The following PCDHGB2 variants were observed in gnomAD, a reference collection of about 807,000 sequenced individuals.
PCDHGB2 encodes the protein protocadherin gamma-B2.
PCDHGB2 carries 55 observed loss-of-function variants against 59.3 expected under a neutral mutation model. The ratio of observed to expected loss-of-function variants is 0.93; its 90% CI spans 0.75 to 1.16. The LOEUF is 1.16. Among genes scored for constraint, PCDHGB2 ranks in the 50% most tolerant of loss-of-function variants. PCDHGB2 has a pLI of 0.00. For missense variants in PCDHGB2, 1,228 were observed against 1,198.5 expected (o/e 1.02, Z -0.36); for synonymous variants, 516 against 512.0 (o/e 1.01, Z -0.11).
chr5:141,466,683 A>G (rs1347308492), intron 1 of PCDHGB2, among the ~76,000 whole-genome samples: 1 of 152,170 alleles, frequency 6.6e-6, no homozygotes, highest in African/African-American at 2.4e-5. Context: ...CTTCCACTCA[A>G]GCTTCATCAT....
At position 141,485,848 on chromosome 5, in the gene PCDHGB2, C is replaced by G. The variant is rs1416763615; in HGVS notation, c.2422-8959C>G. 1.9e-6 allele frequency: 3 copies of G among 1,614,076 alleles called. No individual in the cohort carries two copies. The highest frequency in any genetic ancestry group is 1.1e-5 in the South Asian group (1 of 91,084). On this transcript the variant is annotated intron_variant, in intron 1 of 3. Coordinates refer to ENST00000522605, the MANE Select transcript of PCDHGB2 (RefSeq NM_018923.3). This position sits in a 1 kb window ranked among gnomAD's most constrained non-coding sequence, Gnocchi z 5.7. The stretch of plus-strand genomic sequence containing the variant: ...GAGGGAACCCGCCGAGATCTGGCAC[C>G]GCAGAGCTCCGGGTATCCGTGCTGG...
intron 1 of PCDHGB2, among the ~76,000 whole-genome samples, chr5:141,368,453 G>A (rs775342461): frequency 2.2e-4 from 33 of 151,956 alleles, no homozygotes; most frequent in Non-Finnish European, 4.1e-4. Flanking sequence ...CAAACTCACC[G>A]AATAGTGAAT....
chr5:141,366,302 TTCACGG>T, intron 1 of PCDHGB2: 1 of 1,613,768 alleles, frequency 6.2e-7, no homozygotes, highest in Non-Finnish European at 8.5e-7. Flanking sequence ...GTCAGCCACC[TTCACGG>T]TCACCGTTGC....
intron 1 of PCDHGB2, among the ~76,000 whole-genome samples, chr5:141,425,338 G>A (rs561085111): frequency 6.6e-6 from 1 of 152,290 alleles, no homozygotes; most frequent in African/African-American, 2.4e-5. Flanking sequence ...AAAAGGAAGG[G>A]TTGGCTTTGA....
At chr5:141,499,244 CAA>C (rs1191956146) in intron 2 of PCDHGB2, among the ~76,000 whole-genome samples, 1 of 152,090 alleles carries the variant, frequency 6.6e-6, no homozygotes, top group Non-Finnish European at 1.5e-5. Flanking sequence ...AGCCTCTGCA[CAA>C]AGAGTCTCCA....
At chr5:141,406,277 C>T (rs1462690693) in intron 1 of PCDHGB2, among the ~76,000 whole-genome samples, 1 of 151,986 alleles carries the variant, frequency 6.6e-6, no homozygotes, top group Non-Finnish European at 1.5e-5. Flanking sequence ...GCTTCAGTTT[C>T]CCAAAGCACT....
intron 1 of PCDHGB2, among the ~76,000 whole-genome samples, chr5:141,494,188 T>G (rs2099752632): frequency 6.6e-6 from 1 of 152,186 alleles, no homozygotes; most frequent in Non-Finnish European, 1.5e-5. Flanking sequence ...GTCCCGGGAC[T>G]TGGATGCCCC....
At chr5:141,450,008 T>C (rs78952430) in intron 1 of PCDHGB2, among the ~76,000 whole-genome samples, 2 of 37,390 alleles carry the variant, frequency 5.3e-5, no homozygotes, top group African/African-American at 6.8e-4. Flanking sequence ...CCATGTCTCT[T>C]TTTTTTTTTT....
At chr5:141,402,458 T>C (rs886690950) in intron 1 of PCDHGB2, among the ~76,000 whole-genome samples, 2 of 152,178 alleles carry the variant, frequency 1.3e-5, no homozygotes, top group Non-Finnish European at 2.9e-5. Flanking sequence ...ATAGTTTACA[T>C]ATCTAGAAAT....
chr5:141,510,428 G>A (rs1254357998), intron 3 of PCDHGB2, among the ~76,000 whole-genome samples: 2 of 152,092 alleles, frequency 1.3e-5, no homozygotes, highest in African/African-American at 4.8e-5. Flanking sequence ...TGGTTTCATG[G>A]CTGCTGCCCT....
intron 1 of PCDHGB2, chr5:141,366,742 G>T (rs762560261): frequency 1.2e-6 from 2 of 1,611,864 alleles, no homozygotes; most frequent in East Asian, 2.2e-5. Flanking sequence ...AAGAAGAACG[G>T]CGAGTTCAGG....
chr5:141,384,191 C>T (rs376661364), intron 1 of PCDHGB2: 30 of 1,613,842 alleles, frequency 1.9e-5, no homozygotes, highest in Non-Finnish European at 2.5e-5. Context: ...GGAACTCCTC[C>T]CTTGTCCAGG....
At chr5:141,382,318 T>C (rs1233432296) in intron 1 of PCDHGB2, among the ~76,000 whole-genome samples, 2 of 152,250 alleles carry the variant, frequency 1.3e-5, no homozygotes, top group Non-Finnish European at 2.9e-5. Context: ...TACACTGATG[T>C]AAATATTTTC....
In PCDHGB2 at chr5:141,491,759, G is replaced by C. The variant is rs746395685; in HGVS notation, c.2422-3048G>C. 3 of 1,575,392 alleles carry C rather than the reference G, an allele frequency of 1.9e-6. No individual in the cohort carries two copies. Among genetic ancestry groups the C allele is most frequent in the Non-Finnish European group, 2.6e-6 (3 of 1,161,808 alleles). ...GGGGGCGGCACTGGAGAAGCCGCCC[G>C]TCCTCATAAGGGATTGAACTTGCAT... On this transcript the variant is annotated intron_variant, in intron 1 of 3. Coordinates refer to ENST00000522605, the MANE Select transcript of PCDHGB2 (RefSeq NM_018923.3). The surrounding 1 kb of genome is among the most constrained non-coding windows in gnomAD (Gnocchi z 6.9).
intron 1 of PCDHGB2, chr5:141,417,624 G>A (rs2096138947): frequency 1.5e-6 from 1 of 672,584 alleles, no homozygotes; most frequent in Non-Finnish European, 2.4e-6. Flanking sequence ...CAGAGCAAGC[G>A]CTGACGCCGG....
chr5:141,448,565 AT>A (rs2098595794), intron 1 of PCDHGB2, among the ~76,000 whole-genome samples: 1 of 152,070 alleles, frequency 6.6e-6, no homozygotes, highest in Non-Finnish European at 1.5e-5. Flanking sequence ...ATATATTTTT[AT>A]TTCCCCATTT....
rs763239421 is a variant in PCDHGB2, at chr5:141,477,265, G to C, written c.2422-17542G>C. 1 of 1,614,198 alleles carries C rather than the reference G, an allele frequency of 6.2e-7. No homozygotes were observed. Among genetic ancestry groups the C allele is most frequent in the Admixed American group, 1.7e-5 (1 of 60,020 alleles). On this transcript the variant is annotated intron_variant, in intron 1 of 3. Coordinates refer to ENST00000522605, the MANE Select transcript of PCDHGB2 (RefSeq NM_018923.3). The surrounding 1 kb of genome is among the most constrained non-coding windows in gnomAD (Gnocchi z 4.9). ...GTGTGACTGACCTGGATGCTGGCGA[G>C]AACGGGCTGGTGACCTGCGAAGTTC...
Position 141,510,946 on chromosome 5 carries a change from GA to G in PCDHGB2, c.2571del (p.Ala858LeufsTer17). The G allele has an allele frequency of 6.2e-7, 1 of 1,614,128 alleles. No homozygotes were observed. ...LQAMILASAS[E>X]AADGSSTLGG... ...CACCTGATCTTCCTCTGTCTCTGCA[GA>G]AGCTGCTGATGGGAGCTCCACCCTG... On this transcript the variant is annotated frameshift_variant and splice_region_variant, in exon 4 of 4. Coordinates refer to ENST00000522605, the MANE Select transcript of PCDHGB2 (RefSeq NM_018923.3). LOFTEE classifies it high-confidence loss of function.
Position 141,489,245 on chromosome 5 carries a change from G to A in PCDHGB2, c.2422-5562G>A, listed in dbSNP as rs773391205. 3 of 1,536,634 alleles carry A rather than the reference G, an allele frequency of 2.0e-6. No homozygotes were observed. The South Asian group carries it at 3.9e-5, about 20-fold the overall frequency. On this transcript the variant is annotated intron_variant, in intron 1 of 3. Transcript: ENST00000522605. The surrounding 1 kb of genome is among the most constrained non-coding windows in gnomAD (Gnocchi z 4.5). The stretch of plus-strand genomic sequence containing the variant: ...CCACAAAGGGACTTCTGGGTCATGG[G>A]GCCCAAGACACTCCCACAGCTCGCT...
Sources: gnomAD v4.1 joint callset for allele counts (sites outside exome capture counted in the v4.1 genomes callset) on GRCh38, gnomAD v4.1.1 for gene constraint, Gnocchi (gnomAD v3.1) non-coding constraint, MANE v1.5 for transcripts, NCBI Gene and HGNC (gene_info 2026-07-23, HGNC 2026-07-21) for gene names.